The following MBTPS1 variants were observed in gnomAD, a reference collection of about 807,000 sequenced individuals.
MBTPS1 encodes the protein membrane bound transcription factor peptidase, site 1.
A neutral mutation model predicts 127.8 loss-of-function variants in MBTPS1; 94 were observed. The ratio of observed to expected loss-of-function variants is 0.74; its 90% CI spans 0.62 to 0.87. MBTPS1 has a LOEUF of 0.87. Among genes scored for constraint, MBTPS1 ranks in the 40% least tolerant of loss-of-function variants. The pLI, the probability that MBTPS1 is intolerant of heterozygous loss-of-function variation, is 0.00. For missense variants in MBTPS1, 1,636 were observed against 1,353.2 expected (o/e 1.21, Z -3.28); for synonymous variants, 632 against 509.4 (o/e 1.24, Z -3.24).
At chr16:84,066,641 G>T in intron 16 of MBTPS1, 28 bp from the exon 17 acceptor site, 1 of 1,611,854 alleles carries the variant, frequency 6.2e-7, no homozygotes, top group East Asian at 2.2e-5. Context: ...GACACACAGG[G>T]AACAGGGAAT....
chr16:84,056,259 TTTGCGTCC>T, intron 21 of MBTPS1, 124 bp from the exon 22 acceptor site: 2 of 766,530 alleles, frequency 2.6e-6, no homozygotes, highest in South Asian at 2.1e-5. Context: ...TGAAATGCCA[TTTGCGTCC>T]ACGGCCACCT....
intron 1 of MBTPS1, among the ~76,000 whole-genome samples, chr16:84,112,857 C>A (rs921886697): frequency 6.6e-6 from 1 of 150,830 alleles, no homozygotes; most frequent in African/African-American, 2.4e-5. Context: ...CACCTGTAAT[C>A]CCAGCTACTC....
chr16:84,061,791 G>T (rs1223889822), intron 19 of MBTPS1, among the ~76,000 whole-genome samples: 1 of 152,238 alleles, frequency 6.6e-6, no homozygotes, highest in East Asian at 1.9e-4. Context: ...ACCTGGTATT[G>T]AAACCTGGAG....
intron 1 of MBTPS1, among the ~76,000 whole-genome samples, chr16:84,111,588 G>T (rs2086398217): frequency 6.6e-6 from 1 of 151,884 alleles, no homozygotes; most frequent in Non-Finnish European, 1.5e-5. Context: ...GAGATAATTT[G>T]AGGAAGAAGT....
chr16:84,088,119 C>T (rs146277603), intron 8 of MBTPS1, among the ~76,000 whole-genome samples: 2 of 151,938 alleles, frequency 1.3e-5, no homozygotes, highest in East Asian at 3.9e-4. Context: ...ATGTGTAAAC[C>T]GTAAAGTCAA....
intron 19 of MBTPS1, 80 bp from the exon 20 acceptor site, chr16:84,060,893 G>A: frequency 7.2e-7 from 1 of 1,380,550 alleles, no homozygotes; most frequent in Non-Finnish European, 9.9e-7. Context: ...CAGTGCAGTG[G>A]CGCAATCATA....
chr16:84,071,777 G>C (rs533786424), intron 12 of MBTPS1: 1 of 152,122 alleles, frequency 6.6e-6, no homozygotes, highest in Non-Finnish European at 1.5e-5. Context: ...ACCACAGTAA[G>C]TAATATTAAA....
intron 11 of MBTPS1, among the ~76,000 whole-genome samples, chr16:84,078,324 T>G (rs964455643): frequency 6.9e-6 from 1 of 145,490 alleles, no homozygotes; most frequent in African/African-American, 2.6e-5. Flanking sequence ...TACCCGATGC[T>G]CTCAACCCAG....
Position 84,090,247 on chromosome 16 carries a change from T to C in MBTPS1, c.1031+628A>G, listed in dbSNP as rs573657057. Among the ~76,000 whole-genome samples the C allele has an allele frequency of 2.0e-5, 3 of 152,344 alleles. No individual in the cohort carries two copies. The South Asian group carries it at 6.2e-4, about 32-fold the overall frequency. ...CTGGTGGAAAGAAAACTGAGACCTC[T>C]AACCAGACAGGAGCGTACTGGCTGG... On this transcript the variant is annotated intron_variant, in intron 8 of 22. Transcript: ENST00000343411.
At chr16:84,065,827 T>C (rs1567475398) in intron 17 of MBTPS1, 60 bp from the exon 18 acceptor site, 1 of 989,790 alleles carries the variant, frequency 1.0e-6, no homozygotes, top group Non-Finnish European at 1.5e-6. Context: ...TAATAAATAA[T>C]AGCTACTCGT....
chr16:84,081,662 T>A, intron 11 of MBTPS1, 85 bp downstream of exon 11: 1 of 1,095,316 alleles, frequency 9.1e-7, no homozygotes. Context: ...TTTTCTGTTT[T>A]GAGGCTTGTA....
At chr16:84,073,241 C>T (rs926505126) in intron 12 of MBTPS1, among the ~76,000 whole-genome samples, 1 of 152,176 alleles carries the variant, frequency 6.6e-6, no homozygotes, top group Non-Finnish European at 1.5e-5. Flanking sequence ...TCAAGCGATT[C>T]TCCTGCTTCA....
chr16:84,060,235 C>T (rs1333539070), intron 20 of MBTPS1: 1 of 153,310 alleles, frequency 6.5e-6, no homozygotes, highest in African/African-American at 2.4e-5. Context: ...CTCATTTCCT[C>T]ATCTGGAAAC....
intron 10 of MBTPS1, among the ~76,000 whole-genome samples, chr16:84,083,552 A>C (rs1034163105): frequency 5.9e-5 from 9 of 152,080 alleles, no homozygotes; most frequent in African/African-American, 2.2e-4. Flanking sequence ...TGGCCTCCCA[A>C]AGTGCTGGGA....
At chr16:84,108,661 A>G (rs574014085) in intron 1 of MBTPS1, among the ~76,000 whole-genome samples, 2 of 152,308 alleles carry the variant, frequency 1.3e-5, no homozygotes, top group East Asian at 3.9e-4. Context: ...CGTTCATGGG[A>G]GAATGGCAGA....
chr16:84,064,543 A>G (rs2085654661), intron 18 of MBTPS1, among the ~76,000 whole-genome samples: 1 of 152,194 alleles, frequency 6.6e-6, no homozygotes, highest in Non-Finnish European at 1.5e-5. Flanking sequence ...TAGAACACCT[A>G]AAGAAAGCAC....
chr16:84,066,404 C>G lies in MBTPS1; in HGVS notation c.2353+85G>C, dbSNP rs182346217. On this transcript the variant is annotated intron_variant, in intron 17 of 22. Coordinates refer to ENST00000343411, the MANE Select transcript of MBTPS1 (RefSeq NM_003791.4). ...TCCAGCTAACTGAGGGATCACCATT[C>G]TCTTTCTCAAGAAATCTAGACTTCA... The G allele has an allele frequency of 1.4e-3, 1,981 of 1,411,710 alleles. 2 individuals carry two copies. The highest frequency in any genetic ancestry group is 1.7e-3 in the Non-Finnish European group (1,766 of 1,045,666). 87.4% of individuals were successfully genotyped at this position (1,411,710 alleles called of 1,614,324 possible). A position where few individuals can be genotyped will look rare whatever the true frequency, so the allele number is the denominator to read the frequency against.
intron 12 of MBTPS1, among the ~76,000 whole-genome samples, chr16:84,072,607 T>C (rs888361630): frequency 2.6e-5 from 4 of 151,990 alleles, no homozygotes; most frequent in Non-Finnish European, 4.4e-5. Context: ...CTGGCTAACA[T>C]GGTGAAACCC....
intron 11 of MBTPS1, among the ~76,000 whole-genome samples, chr16:84,079,860 C>T (rs147403349): frequency 1.3e-5 from 2 of 152,202 alleles, no homozygotes; most frequent in East Asian, 1.9e-4. Flanking sequence ...TGTCTGTGCA[C>T]GTGTCCACAC....
Sources: gnomAD v4.1 joint callset for allele counts (sites outside exome capture counted in the v4.1 genomes callset) on GRCh38, gnomAD v4.1.1 for gene constraint, MANE v1.5 for transcripts, NCBI Gene and HGNC (gene_info 2026-07-23, HGNC 2026-07-21) for gene names.